Variants in TAFA4 observed in about 807,000 individuals in gnomAD.
TAFA4 encodes the protein chemokine-like protein TAFA-4.
In TAFA4, 20 loss-of-function variants were observed where a neutral mutation model predicts 21.1. The ratio of observed to expected loss-of-function variants is 0.95; its 90% CI spans 0.67 to 1.38. The LOEUF (loss-of-function observed/expected upper bound fraction) is 1.38. Among genes scored for constraint, TAFA4 ranks in the 40% most tolerant of loss-of-function variants. The pLI, the probability that TAFA4 is intolerant of heterozygous loss-of-function variation, is 0.00. For missense variants in TAFA4, 211 were observed against 180.9 expected (o/e 1.17, Z -0.95); for synonymous variants, 71 against 67.4 (o/e 1.05, Z -0.26).
intron 1 of TAFA4, among the ~76,000 whole-genome samples, chr3:68,929,162 A>C (rs1402167885): frequency 3.9e-5 from 6 of 152,188 alleles, no homozygotes; most frequent in African/African-American, 1.4e-4. Context: ...GAGGCATTAC[A>C]AAGTGCAGTG....
chr3:68,851,769 G>T (rs1704956556), intron 3 of TAFA4, among the ~76,000 whole-genome samples: 3 of 152,142 alleles, frequency 2.0e-5, no homozygotes, highest in Non-Finnish European at 4.4e-5. Flanking sequence ...AGAATCAAAG[G>T]AAGACAAGAC....
At chr3:68,845,158 A>C (rs1704756204) in intron 3 of TAFA4, among the ~76,000 whole-genome samples, 1 of 152,120 alleles carries the variant, frequency 6.6e-6, no homozygotes, top group Admixed American at 6.6e-5. Flanking sequence ...GTCTCTTTGT[A>C]GGTCTCTAAG....
At position 68,752,746 on chromosome 3, in the gene TAFA4, C is replaced by T. The variant is rs181032828; in HGVS notation, c.286+117G>A. On this transcript the variant is annotated intron_variant, in intron 4 of 5. Coordinates refer to ENST00000295569, the MANE Select transcript of TAFA4 (RefSeq NM_182522.5). ...GTATTTATGTACATTTTTGGATTGA[C>T]ACTGATCTCAAAGCAACCCTAGGTT... 41 of 1,234,898 alleles carry T rather than the reference C, an allele frequency of 3.3e-5. No homozygotes were observed. In the African/African-American group the frequency reaches 4.6e-4, roughly 14 times the overall value. 76.5% of individuals were successfully genotyped at this position (1,234,898 alleles called of 1,614,324 possible).
At chr3:68,909,161 C>G (rs2089931352) in intron 1 of TAFA4, among the ~76,000 whole-genome samples, 1 of 152,116 alleles carries the variant, frequency 6.6e-6, no homozygotes, top group Non-Finnish European at 1.5e-5. Flanking sequence ...GGAAGTAACT[C>G]AAAGGATGGC....
chr3:68,918,256 G>A (rs773244390), intron 1 of TAFA4, among the ~76,000 whole-genome samples: 1 of 152,062 alleles, frequency 6.6e-6, no homozygotes, highest in Non-Finnish European at 1.5e-5. Context: ...TGGTCAGTGT[G>A]GTTACCTCAG....
At chr3:68,907,144 A>G (rs756304073) in intron 1 of TAFA4, among the ~76,000 whole-genome samples, 1 of 152,122 alleles carries the variant, frequency 6.6e-6, no homozygotes. Flanking sequence ...AGGTTTCAAT[A>G]ACGTGATTTT....
intron 3 of TAFA4, among the ~76,000 whole-genome samples, chr3:68,866,406 C>T (rs1008541962): frequency 6.6e-6 from 1 of 151,954 alleles, no homozygotes; most frequent in Non-Finnish European, 1.5e-5. Context: ...ATTAAGGGAA[C>T]TCAACAGGCA....
chr3:68,891,292 A>C (rs1490001), intron 1 of TAFA4, among the ~76,000 whole-genome samples: 9,410 of 152,262 alleles, frequency 0.062, 596 homozygotes, highest in African/African-American at 0.15. Context: ...ATTTTTGCAA[A>C]AGTACACAGC....
chr3:68,750,814 GCAAA>G (rs1366833498), intron 4 of TAFA4, among the ~76,000 whole-genome samples: 2 of 152,174 alleles, frequency 1.3e-5, no homozygotes, highest in Non-Finnish European at 2.9e-5. Flanking sequence ...ACAGAGGCAA[GCAAA>G]CATATTGTCT....
intron 3 of TAFA4, among the ~76,000 whole-genome samples, chr3:68,861,642 G>T (rs2089346122): frequency 1.3e-5 from 2 of 152,022 alleles, no homozygotes; most frequent in South Asian, 4.1e-4. Flanking sequence ...CGACATGGTT[G>T]AATTCACCCC....
intron 3 of TAFA4, among the ~76,000 whole-genome samples, chr3:68,779,662 G>T (rs1703118604): frequency 6.6e-6 from 1 of 152,224 alleles, no homozygotes; most frequent in South Asian, 2.1e-4. Flanking sequence ...CACAAGTCAA[G>T]AATTGAGGTT....
chr3:68,866,002 T>C (rs2089411172), intron 3 of TAFA4, among the ~76,000 whole-genome samples: 1 of 152,126 alleles, frequency 6.6e-6, no homozygotes, highest in Non-Finnish European at 1.5e-5. Flanking sequence ...ACAGCCAGCT[T>C]CCAAACCATC....
At chr3:68,869,973 C>T (rs1244986999) in intron 3 of TAFA4, among the ~76,000 whole-genome samples, 1 of 151,776 alleles carries the variant, frequency 6.6e-6, no homozygotes, top group East Asian at 1.9e-4. Flanking sequence ...AAGATTCCAA[C>T]AAAAAACACT....
chr3:68,881,296 T>C (rs780575879), intron 2 of TAFA4, among the ~76,000 whole-genome samples: 2 of 152,232 alleles, frequency 1.3e-5, no homozygotes, highest in Non-Finnish European at 2.9e-5. Flanking sequence ...TAAGGCTTTC[T>C]GGTCTGGAAG....
intron 2 of TAFA4, chr3:68,883,207 G>A (rs537495734): frequency 1.3e-5 from 2 of 152,440 alleles, no homozygotes; most frequent in South Asian, 4.1e-4. Context: ...TCACTTCCAA[G>A]TGCTCTCAGG....
intron 1 of TAFA4, among the ~76,000 whole-genome samples, chr3:68,927,934 A>G (rs767979417): frequency 6.6e-6 from 1 of 151,940 alleles, no homozygotes; most frequent in Non-Finnish European, 1.5e-5. Flanking sequence ...ATATCTTCCT[A>G]TTTTTCCAAA....
intron 3 of TAFA4, among the ~76,000 whole-genome samples, chr3:68,847,279 C>T (rs1440877076): frequency 1.3e-5 from 2 of 152,204 alleles, no homozygotes; most frequent in African/African-American, 2.4e-5. Context: ...CAGTGGGCTC[C>T]GCCCAGTTTG....
At chr3:68,857,449 G>A (rs1705095774) in intron 3 of TAFA4, among the ~76,000 whole-genome samples, 1 of 152,036 alleles carries the variant, frequency 6.6e-6, no homozygotes, top group Non-Finnish European at 1.5e-5. Flanking sequence ...TAGGTAATGA[G>A]GACCAATGGA....
chr3:68,804,594 C>A (rs1251361888), intron 3 of TAFA4, among the ~76,000 whole-genome samples: 1 of 152,108 alleles, frequency 6.6e-6, no homozygotes, highest in African/African-American at 2.4e-5. Flanking sequence ...GGTACTGGTA[C>A]CAAAACAGAG....
Sources: allele counts gnomAD v4.1 joint callset (sites outside exome capture counted in the v4.1 genomes callset), GRCh38; gene constraint gnomAD v4.1.1; transcripts MANE v1.5; gene names NCBI Gene and HGNC (gene_info 2026-07-23, HGNC 2026-07-21).